Variants in SENP2 observed in about 807,000 individuals in gnomAD.
The protein encoded by SENP2 is SUMO specific peptidase 2.
In SENP2, 16 loss-of-function variants were observed where a neutral mutation model predicts 86.3. The ratio of observed to expected loss-of-function variants is 0.19; its 90% CI spans 0.13 to 0.28. The LOEUF (loss-of-function observed/expected upper bound fraction) is 0.28. Ranked by LOEUF, SENP2 falls within the 10% of genes least tolerant of loss-of-function variation. SENP2 has a pLI of 1.00. For missense variants in SENP2, 552 were observed against 703.0 expected, an observed-to-expected ratio of 0.79 and a Z score of 2.43; for synonymous variants, 222 against 238.7, an observed-to-expected ratio of 0.93 and a Z score of 0.64.
rs1712146620 is a variant in SENP2 at position 185,626,411 on chromosome 3, T to A, written c.1707+18T>A. The A allele has an allele frequency of 1.3e-6, 2 of 1,527,848 alleles. No individual in the cohort carries two copies. The highest frequency in any genetic ancestry group is 1.1e-5 in the South Asian group (1 of 88,242). 94.6% of individuals were successfully genotyped at this position (1,527,848 alleles called of 1,614,324 possible). ...TTACTCAGGTGAGTGAAGACCCTCTTCATCCATTTACTTGTTACTAAGCAA... is the reference window on the plus strand; with the variant it reads ...TTACTCAGGTGAGTGAAGACCCTCTACATCCATTTACTTGTTACTAAGCAA... On this transcript the variant is annotated intron_variant, in intron 16 of 16. Transcript: ENST00000296257.
At chr3:185,592,537 T>G (rs1256554267) in intron 2 of SENP2, among the ~76,000 whole-genome samples, 1 of 152,180 alleles carries the variant, frequency 6.6e-6, no homozygotes, top group Non-Finnish European at 1.5e-5. Flanking sequence ...TTAAATTCAG[T>G]GAGTACTTAT....
At position 185,587,570 on chromosome 3, in the gene SENP2, A is replaced by ATTTTT. The variant is rs398052522; in HGVS notation, c.101+1066_101+1070dup. 4.6e-3 allele frequency among the ~76,000 whole-genome samples: 543 copies of ATTTTT among 118,816 alleles called. 42 individuals are homozygous for ATTTTT. The highest frequency in any genetic ancestry group is 0.016 in the African/African-American group (507 of 31,716). 77.9% of individuals were successfully genotyped at this position (118,816 alleles called of 152,430 possible). A position where few individuals can be genotyped will look rare whatever the true frequency, so the allele number is the denominator to read the frequency against. ...CTTCAACTTTAGTGATCAAGTGTTA[A>ATTTTT]TTTTTTTTTTTTTTGAGAAGGAGTC... On this transcript the variant is annotated intron_variant, in intron 1 of 16. Transcript: ENST00000296257.
At chr3:185,588,940 T>G (rs536969127) in intron 1 of SENP2, among the ~76,000 whole-genome samples, 1 of 152,214 alleles carries the variant, frequency 6.6e-6, no homozygotes, top group East Asian at 1.9e-4. Flanking sequence ...TACTATACTT[T>G]AGGTGTTCAC....
intron 15 of SENP2, among the ~76,000 whole-genome samples, chr3:185,625,898 G>A (rs1366575860): frequency 6.6e-6 from 1 of 152,192 alleles, no homozygotes; most frequent in Admixed American, 6.5e-5. Flanking sequence ...GGAGCTGAGA[G>A]ATGCAACTCT....
At position 185,627,471 on chromosome 3, in the gene SENP2, G is replaced by A. The variant is rs149184727; in HGVS notation, c.1707+1078G>A. Among the ~76,000 whole-genome samples, 1,160 of 152,280 alleles carry A rather than the reference G, an allele frequency of 7.6e-3. 21 individuals are homozygous for A. Among genetic ancestry groups the A allele is most frequent in the African/African-American group, 0.026 (1,100 of 41,556 alleles). ...TTTGTTGCCCAGGCTGGAGTGCAGT[G>A]GCACGATCTCAGCTCACTACAACCT... On this transcript the variant is annotated intron_variant, in intron 16 of 16. Coordinates refer to ENST00000296257, the MANE Select transcript of SENP2 (RefSeq NM_021627.3).
At position 185,619,272 on chromosome 3, in the gene SENP2, AGCTTTTG is replaced by A. The variant is rs746319830; in HGVS notation, c.1243-26_1243-20del. 3 of 1,527,350 alleles carry A rather than the reference AGCTTTTG, an allele frequency of 2.0e-6. No homozygotes were observed. Among genetic ancestry groups the A allele is most frequent in the Non-Finnish European group, 2.7e-6 (3 of 1,101,490 alleles). 94.6% of individuals were successfully genotyped at this position (1,527,350 alleles called of 1,614,324 possible). A position where few individuals can be genotyped will look rare whatever the true frequency, so the allele number is the denominator to read the frequency against. The stretch of plus-strand genomic sequence containing the variant: ...TTTGATAATATGTTTGCCATGTTCC[AGCTTTTG>A]CTCCCTTGGTATTTTGTAGGTCATT... On this transcript the variant is annotated intron_variant, in intron 12 of 16. Transcript: ENST00000296257.
At position 185,586,419 on chromosome 3, in the gene SENP2, C is replaced by T; in HGVS notation, c.6C>T (p.Tyr2=). The change falls in exon 1 of 17, where the codon TAC becomes TAT. Residue 2 remains tyrosine, a synonymous_variant. Coordinates refer to ENST00000296257, the MANE Select transcript of SENP2 (RefSeq NM_021627.3). This position sits in a 1 kb window ranked among gnomAD's most constrained non-coding sequence, Gnocchi z 4.3. M[Y]RWLVRILGTI... is the part of the protein sequence containing the mutation. ...CGCTGCTGCTTGGGCCTGGTATGTA[C>T]AGATGGCTGGTTAGGATTCTCGGCA... 1 of 1,613,988 alleles carries T rather than the reference C, an allele frequency of 6.2e-7. No individual in the cohort carries two copies. Among genetic ancestry groups the T allele is most frequent in the East Asian group, 2.2e-5 (1 of 44,878 alleles).
chr3:185,624,814 G>A (rs1712064412), intron 15 of SENP2, among the ~76,000 whole-genome samples: 2 of 150,884 alleles, frequency 1.3e-5, no homozygotes, highest in Non-Finnish European at 2.9e-5. Context: ...GTTGCAGTGA[G>A]CCGAGATCGC....
intron 2 of SENP2, among the ~76,000 whole-genome samples, chr3:185,593,640 A>G (rs1177946995): frequency 6.6e-6 from 1 of 152,062 alleles, no homozygotes; most frequent in Non-Finnish European, 1.5e-5. Context: ...ATTTAATGCT[A>G]GTATATCTTC....
At position 185,619,359 on chromosome 3, in the gene SENP2, C is replaced by G. The variant is rs761914093; in HGVS notation, c.1303C>G (p.Leu435Val). Residue 435 changes from leucine (L) to valine (V), a missense_variant, in exon 13 of 17, where the codon CTT becomes GTT. Physicochemically the swap from Leu to Val is conservative, Grantham distance 32. Coordinates refer to ENST00000296257, the MANE Select transcript of SENP2 (RefSeq NM_021627.3). ...ERNKKQGYPALHVFSTFFYPK... is the reference protein window; with the variant it reads ...ERNKKQGYPAVHVFSTFFYPK... The stretch of plus-strand genomic sequence containing the variant: ...AAATAAAAAGCAAGGCTATCCAGCA[C>G]TTCATGTATTCAGTACTTTCTTCTA... The G allele has an allele frequency of 6.2e-7, 1 of 1,613,896 alleles. No individual in the cohort carries two copies. The highest frequency in any genetic ancestry group is 2.2e-5 in the East Asian group (1 of 44,880).
At chr3:185,622,663 G>T (rs1711943567) in intron 14 of SENP2, among the ~76,000 whole-genome samples, 1 of 151,948 alleles carries the variant, frequency 6.6e-6, no homozygotes, top group African/African-American at 2.4e-5. Flanking sequence ...TCTTTTCTTT[G>T]TAAGATGTGT....
chr3:185,604,417 ATGACCTAAATGTCAGGTCAGGTTGGT>A (rs1365159853), intron 5 of SENP2, among the ~76,000 whole-genome samples: 1 of 152,240 alleles, frequency 6.6e-6, no homozygotes, highest in Non-Finnish European at 1.5e-5. Context: ...GTTGGGTAGA[ATGACCTAAATGTCAGGTCAGGTTGGT>A]TGATAATATT....
chr3:185,627,476 G>A (rs1315797491), intron 16 of SENP2, among the ~76,000 whole-genome samples: 2 of 152,074 alleles, frequency 1.3e-5, no homozygotes, highest in Non-Finnish European at 2.9e-5. Flanking sequence ...GCAGTGGCAC[G>A]ATCTCAGCTC....
chr3:185,599,359 A>T (rs2148983823), intron 4 of SENP2, among the ~76,000 whole-genome samples: 1 of 152,346 alleles, frequency 6.6e-6, no homozygotes, highest in African/African-American at 2.4e-5. Flanking sequence ...TAACAAAATA[A>T]TAAAACCTTA....
chr3:185,607,615 C>T (rs768040950), intron 6 of SENP2, among the ~76,000 whole-genome samples: 57 of 152,302 alleles, frequency 3.7e-4, no homozygotes, highest in Non-Finnish European at 5.9e-4. Context: ...CAGGCATGAG[C>T]CACTGAGCCT....
chr3:185,629,927 T>A lies in SENP2; in HGVS notation c.*83T>A. 7.4e-7 allele frequency: 1 copy of A among 1,349,444 alleles called. No individual in the cohort carries two copies. The highest frequency in any genetic ancestry group is 1.1e-6 in the Non-Finnish European group (1 of 944,016). 83.6% of individuals were successfully genotyped at this position (1,349,444 alleles called of 1,614,324 possible). Reference sequence around the variant, plus strand: ...ACCTCATGCATTGTGGGTTAAAAAGTCCCTGCATCACTTCTGTTCTCACAG... The same window carrying A: ...ACCTCATGCATTGTGGGTTAAAAAGACCCTGCATCACTTCTGTTCTCACAG... On this transcript the variant is annotated 3_prime_UTR_variant, in exon 17 of 17. Transcript: ENST00000296257.
In SENP2 at chr3:185,611,260, G is replaced by A. The variant is rs537300862; in HGVS notation, c.723-391G>A. On this transcript the variant is annotated intron_variant, in intron 7 of 16. Transcript: ENST00000296257. ...CCACTGCACTCCAGCCTGGGCGACAGTGCGAGACTCCGTCTCAAAAAACAA... is the reference window on the plus strand; with the variant it reads ...CCACTGCACTCCAGCCTGGGCGACAATGCGAGACTCCGTCTCAAAAAACAA... 1.8e-4 allele frequency among the ~76,000 whole-genome samples: 28 copies of A among 152,366 alleles called. No homozygotes were observed. The South Asian group carries it at 4.1e-3, about 23-fold the overall frequency.
At chr3:185,618,051 T>C (rs1200145788) in intron 12 of SENP2, among the ~76,000 whole-genome samples, 2 of 152,018 alleles carry the variant, frequency 1.3e-5, no homozygotes, top group Non-Finnish European at 2.9e-5. Flanking sequence ...TTCAAGCAAT[T>C]CTCCTACCTC....
intron 14 of SENP2, among the ~76,000 whole-genome samples, chr3:185,623,312 G>C (rs1711978992): frequency 6.6e-6 from 1 of 151,430 alleles, no homozygotes; most frequent in South Asian, 2.1e-4. Flanking sequence ...GGCTAATTTT[G>C]TATTTTTAGT....
Sources: allele counts gnomAD v4.1 joint callset (sites outside exome capture counted in the v4.1 genomes callset), GRCh38; gene constraint gnomAD v4.1.1; non-coding constraint Gnocchi (gnomAD v3.1); transcripts MANE v1.5; gene names NCBI Gene and HGNC (gene_info 2026-07-23, HGNC 2026-07-21).